Variants in FAF1 observed in about 807,000 individuals in gnomAD.
FAF1 encodes Fas associated factor 1.
In FAF1, 25 loss-of-function variants were observed where a neutral mutation model predicts 92.5. The ratio of observed to expected loss-of-function variants is 0.27; its 90% CI spans 0.20 to 0.38. FAF1 has a LOEUF of 0.38. FAF1 is among the 10% of genes least tolerant of loss of function. The pLI is 1.00. For synonymous variants in FAF1, 234 were observed against 273.2 expected (o/e 0.86, Z 1.42); for missense variants, 636 against 793.3 (o/e 0.80, Z 2.38).
intron 6 of FAF1, among the ~76,000 whole-genome samples, chr1:50,737,304 G>A (rs868800011): frequency 3.3e-5 from 5 of 152,112 alleles, no homozygotes; most frequent in Admixed American, 6.6e-5. Context: ...AATGAAGAAC[G>A]TTTCCATTAG....
chr1:50,536,481 A>G (rs1474832010), intron 14 of FAF1, among the ~76,000 whole-genome samples: 2 of 152,120 alleles, frequency 1.3e-5, no homozygotes, highest in Non-Finnish European at 2.9e-5. Flanking sequence ...TCTTGCTGGC[A>G]TTTTTCCAGA....
chr1:50,643,645 T>C (rs1654448566), intron 8 of FAF1, among the ~76,000 whole-genome samples: 1 of 152,208 alleles, frequency 6.6e-6, no homozygotes, highest in Non-Finnish European at 1.5e-5. Flanking sequence ...CAGGCTAGAG[T>C]GCAGTGGCAC....
intron 2 of FAF1, among the ~76,000 whole-genome samples, chr1:50,802,791 T>C (rs371866360): frequency 6.6e-6 from 1 of 152,202 alleles, no homozygotes; most frequent in East Asian, 1.9e-4. Context: ...CACATCAAAA[T>C]GAATAACCCA....
Position 50,584,743 on chromosome 1 carries a change from C to T in FAF1, c.909G>A (p.Gly303=), listed in dbSNP as rs952081587. The part of the protein sequence containing the change: ...GDDFEDATEF[G]VDDGEVFGMA... ...TGCCAAATACTTCTCCATCATCCAC[C>T]CCAAATTCTGTAGCATCTTCAAAGT... The change falls in exon 10 of 19, where the codon GGG becomes GGA. Residue 303 remains glycine, a synonymous_variant. Coordinates refer to ENST00000396153, the MANE Select transcript of FAF1 (RefSeq NM_007051.3). 10 of 1,613,458 alleles carry T rather than the reference C, an allele frequency of 6.2e-6. No individual in the cohort carries two copies. The highest frequency in any genetic ancestry group is 1.6e-4 in the Middle Eastern group (1 of 6,082).
At chr1:50,531,376 A>T (rs12138791) in intron 15 of FAF1, among the ~76,000 whole-genome samples, 93 of 152,334 alleles carry the variant, frequency 6.1e-4, no homozygotes, top group Non-Finnish European at 1.2e-3. Context: ...CAAACTAAGT[A>T]TCACAAACTC....
At chr1:50,879,097 T>C (rs1393206216) in intron 1 of FAF1, among the ~76,000 whole-genome samples, 1 of 152,044 alleles carries the variant, frequency 6.6e-6, no homozygotes, top group Non-Finnish European at 1.5e-5. Flanking sequence ...AATACAAAAC[T>C]TAGCCGGGTG....
intron 9 of FAF1, among the ~76,000 whole-genome samples, chr1:50,586,475 A>G (rs951685897): frequency 2.0e-5 from 3 of 152,194 alleles, no homozygotes; most frequent in African/African-American, 7.2e-5. Flanking sequence ...CCCAAGCATT[A>G]ATGCAGAGAA....
chr1:50,631,616 T>G (rs561655172), intron 8 of FAF1, among the ~76,000 whole-genome samples: 96 of 152,144 alleles, frequency 6.3e-4, no homozygotes, highest in Non-Finnish European at 1.2e-3. Flanking sequence ...GAAAAAACAA[T>G]CATGCTGAGG....
chr1:50,505,050 T>C (rs1462370971), intron 15 of FAF1, among the ~76,000 whole-genome samples: 7 of 152,222 alleles, frequency 4.6e-5, no homozygotes, highest in Admixed American at 3.3e-4. Flanking sequence ...ACTGATCTTA[T>C]AGAAAGCAAG....
At chr1:50,594,148 A>C (rs1240853719) in intron 9 of FAF1, among the ~76,000 whole-genome samples, 1 of 151,952 alleles carries the variant, frequency 6.6e-6, no homozygotes, top group East Asian at 1.9e-4. Flanking sequence ...CCCCGTCTCT[A>C]TTAAAAACAC....
At chr1:50,475,373 C>T (rs1646625912) in intron 18 of FAF1, 91 bp downstream of exon 18, 1 of 963,990 alleles carries the variant, frequency 1.0e-6, no homozygotes, top group Non-Finnish European at 1.6e-6. Flanking sequence ...TTGCCTGCAC[C>T]ATGGGACTTT....
Position 50,438,116 on chromosome 1 carries a change from T to G in FAF1, c.*3324A>C, listed in dbSNP as rs1001155754. ...GCACTTTAAGTCCTGACCCTTCTAC[T>G]GACATGCTGTGTGATTTTAGGCAAG... On this transcript the variant is annotated 3_prime_UTR_variant, in exon 19 of 19. Transcript: ENST00000396153. 2.6e-5 allele frequency: 4 copies of G among 151,460 alleles called. No homozygotes were observed. The highest frequency in any genetic ancestry group is 4.4e-5 in the Non-Finnish European group (3 of 67,896). 9.4% of individuals were successfully genotyped at this position (151,460 alleles called of 1,614,324 possible).
At chr1:50,594,314 CAA>C (rs57900829) in intron 9 of FAF1, among the ~76,000 whole-genome samples, 36 of 81,158 alleles carry the variant, frequency 4.4e-4, no homozygotes, top group Admixed American at 7.1e-4. Flanking sequence ...GATCCTGTCT[CAA>C]AAAAAAAAAA....
chr1:50,681,088 T>C (rs959851648), intron 7 of FAF1, among the ~76,000 whole-genome samples: 1 of 152,004 alleles, frequency 6.6e-6, no homozygotes, highest in African/African-American at 2.4e-5. Flanking sequence ...GCTCTGTCAC[T>C]CAGGCTGGAG....
intron 15 of FAF1, among the ~76,000 whole-genome samples, chr1:50,524,261 G>A (rs1388266260): frequency 6.6e-6 from 1 of 152,064 alleles, no homozygotes; most frequent in Non-Finnish European, 1.5e-5. Flanking sequence ...GTAAATTTAA[G>A]TTCCTTATAA....
At chr1:50,798,078 A>C (rs1009828726) in intron 3 of FAF1, among the ~76,000 whole-genome samples, 2 of 152,122 alleles carry the variant, frequency 1.3e-5, no homozygotes, top group Admixed American at 1.3e-4. Flanking sequence ...CCTTAAAAAA[A>C]AAAAAAAACT....
chr1:50,885,320 A>ACACACACACACACACACACACACG (rs1644651193), intron 1 of FAF1, among the ~76,000 whole-genome samples: 1 of 95,604 alleles, frequency 1.0e-5, no homozygotes, highest in Non-Finnish European at 2.2e-5. Flanking sequence ...TCTCACACAC[A>ACACACACACACACACACACACACG]CACACTCTCT....
intron 9 of FAF1, among the ~76,000 whole-genome samples, chr1:50,593,407 T>G (rs997263376): frequency 6.6e-6 from 1 of 152,174 alleles, no homozygotes; most frequent in South Asian, 2.1e-4. Context: ...ATTAAAAATT[T>G]TGGTTGGGGC....
At position 50,836,914 on chromosome 1, in the gene FAF1, C is replaced by G. The variant is rs567619276; in HGVS notation, c.114+21015G>C. Among the ~76,000 whole-genome samples, 8 of 149,656 alleles carry G rather than the reference C, an allele frequency of 5.3e-5. No homozygotes were observed. The East Asian group carries it at 1.6e-3, about 29-fold the overall frequency. Reference sequence around the variant, plus strand: ...ATAGTACATATTTGAATTCTTCCAACTCTTCCAATTGTCTCTTACAAGTGT... The same window carrying G: ...ATAGTACATATTTGAATTCTTCCAAGTCTTCCAATTGTCTCTTACAAGTGT... On this transcript the variant is annotated intron_variant, in intron 2 of 18. Transcript: ENST00000396153.
Sources: allele counts gnomAD v4.1 joint callset (sites outside exome capture counted in the v4.1 genomes callset), GRCh38; gene constraint gnomAD v4.1.1; transcripts MANE v1.5; gene names NCBI Gene and HGNC (gene_info 2026-07-23, HGNC 2026-07-21).